The following DCLRE1C variants were observed in gnomAD, a reference collection of about 807,000 sequenced individuals.
DCLRE1C encodes protein artemis.
A neutral mutation model predicts 61.4 loss-of-function variants in DCLRE1C; 47 were observed. The ratio of observed to expected loss-of-function variants is 0.77; its 90% CI spans 0.61 to 0.98. DCLRE1C has a LOEUF of 0.98. Ranked by LOEUF, DCLRE1C falls within the 50% of genes least tolerant of loss-of-function variation. The pLI is 0.00. For missense variants in DCLRE1C, 858 were observed against 816.0 expected (o/e 1.05, Z -0.63); for synonymous variants, 337 against 287.6 (o/e 1.17, Z -1.74).
At position 14,904,898 on chromosome 10, in the gene DCLRE1C, G is replaced by C. The variant is rs1183765655; in HGVS notation, c.*3510C>G. ...ATTATATTGATACCATCATTTTCAG[G>C]ATCTACATTAAGAGGATGGTGATAC... On this transcript the variant is annotated 3_prime_UTR_variant, in exon 14 of 14. Coordinates refer to ENST00000378278, the MANE Select transcript of DCLRE1C (RefSeq NM_001033855.3). Among the ~76,000 whole-genome samples, 4 of 152,136 alleles carry C rather than the reference G, an allele frequency of 2.6e-5. No homozygotes were observed. Among genetic ancestry groups the C allele is most frequent in the African/African-American group, 7.2e-5 (3 of 41,446 alleles).
rs749209507 is a variant in DCLRE1C, at chr10:14,897,414, A to G, written c.*1750T>C. 17 of 1,613,364 alleles carry G rather than the reference A, an allele frequency of 1.1e-5. No individual in the cohort carries two copies. The African/African-American group carries it at 2.1e-4, about 20-fold the overall frequency. On this transcript the variant is annotated 3_prime_UTR_variant, in exon 14 of 14. Coordinates refer to the DCLRE1C transcript ENST00000378289. ...AATAGGATTGTACAAAAAGGCACAC[A>G]GTATTCGCTTTGCATCTTTCGAACT...
intron 3 of DCLRE1C, chr10:14,942,049 T>C (rs1840939448): frequency 6.6e-6 from 1 of 152,146 alleles, no homozygotes; most frequent in Non-Finnish European, 1.5e-5. Context: ...AGATGTGAAC[T>C]AGTAGGGATT....
rs746582322 is a variant in DCLRE1C, at chr10:14,926,892, C to T, written c.923G>A (p.Gly308Glu). The T allele has an allele frequency of 6.2e-7, 1 of 1,613,242 alleles. No individual in the cohort carries two copies. The highest frequency in any genetic ancestry group is 1.1e-5 in the South Asian group (1 of 91,030). Reference sequence around the variant, plus strand: ...AAAACAAGCTCTGTATGAACTCTCTCCAGTCCTAAAGGGAAGTGAAAACAC... The same window carrying T: ...AAAACAAGCTCTGTATGAACTCTCTTCAGTCCTAAAGGGAAGTGAAAACAC... ...SRKTNVIVRT[G>E]ESSYRACFSF... The change falls in exon 11 of 14, where the codon GGA becomes GAA. Residue 308 changes from glycine (G) to glutamate (E), a missense_variant. Gly to Glu is a moderately conservative substitution (Grantham distance 98, BLOSUM62 -2). Coordinates refer to ENST00000378278, the MANE Select transcript of DCLRE1C (RefSeq NM_001033855.3).
chr10:14,897,391 T>C (rs1215895427), exon 14 of DCLRE1C: 2 of 1,613,426 alleles, frequency 1.2e-6, no homozygotes, highest in Non-Finnish European at 1.7e-6. Flanking sequence ...ATTGTCCCAA[T>C]AGGATTGTAC....
chr10:14,903,426 C>T (rs1245698317), downstream of DCLRE1C: 3 of 152,206 alleles, frequency 2.0e-5, no homozygotes, highest in Non-Finnish European at 4.4e-5. Flanking sequence ...TGTACATTAA[C>T]ATTACAGCCT....
intron 8 of DCLRE1C, among the ~76,000 whole-genome samples, chr10:14,933,468 C>T (rs1480483156): frequency 1.3e-5 from 2 of 152,056 alleles, no homozygotes; most frequent in African/African-American, 4.8e-5. Context: ...GAAGCCCCAT[C>T]TCTACTAAAA....
rs750020058 is a variant in DCLRE1C at position 14,908,165 on chromosome 10, C to CTTT, written c.*240_*242dup. 644 of 197,802 alleles carry CTTT rather than the reference C, an allele frequency of 3.3e-3. 47 individuals carry two copies. The highest frequency in any genetic ancestry group is 0.026 in the African/African-American group (500 of 19,456). The allele number at this position is 197,802 out of a possible 1,614,324, so 12.3% of individuals were successfully genotyped here. ...CAGAGTAGCCCACCACCATGCCTGGCTTTTTTTTTTTTTTTTTTTTTTGTA... is the reference window on the plus strand; with the variant it reads ...CAGAGTAGCCCACCACCATGCCTGGCTTTTTTTTTTTTTTTTTTTTTTTTTGTA... On this transcript the variant is annotated 3_prime_UTR_variant, in exon 14 of 14. Coordinates refer to ENST00000378278, the MANE Select transcript of DCLRE1C (RefSeq NM_001033855.3).
chr10:14,919,475 G>A (rs1467503218), intron 13 of DCLRE1C, among the ~76,000 whole-genome samples: 2 of 152,074 alleles, frequency 1.3e-5, no homozygotes, highest in Non-Finnish European at 2.9e-5. Flanking sequence ...CTGATCTTAG[G>A]GTGTATTTCC....
intron 13 of DCLRE1C, among the ~76,000 whole-genome samples, chr10:14,911,507 A>T (rs1269273502): frequency 1.3e-5 from 2 of 152,382 alleles, no homozygotes; most frequent in East Asian, 3.9e-4. Context: ...AAGCAGGAAG[A>T]TACAGTCAAA....
At chr10:14,899,360 T>G in intron 13 of DCLRE1C, 1 of 706,860 alleles carries the variant, frequency 1.4e-6, no homozygotes, top group Non-Finnish European at 2.5e-6. Flanking sequence ...TCATTTTTCT[T>G]CCCCTCATTT....
At chr10:14,898,341 T>A (rs2131707981) in exon 14 of DCLRE1C, 1 of 151,160 alleles carries the variant, frequency 6.6e-6, no homozygotes, top group African/African-American at 2.4e-5. Flanking sequence ...AAATCAGTAG[T>A]CTTCACCATG....
intron 3 of DCLRE1C, among the ~76,000 whole-genome samples, chr10:14,941,942 G>A (rs973834865): frequency 2.0e-5 from 3 of 152,166 alleles, no homozygotes; most frequent in African/African-American, 7.2e-5. Context: ...CCCTGATTCT[G>A]CCGTGGCCTT....
chr10:14,902,838 T>G (rs1031273271), downstream of DCLRE1C: 1 of 161,942 alleles, frequency 6.2e-6, no homozygotes, highest in African/African-American at 2.4e-5. Context: ...AAGCTGATAA[T>G]GTAATTAACA....
chr10:14,898,526 C>A (rs1442169317), exon 14 of DCLRE1C: 1 of 152,072 alleles, frequency 6.6e-6, no homozygotes, highest in Non-Finnish European at 1.5e-5. Context: ...TTGATTCTTA[C>A]ACTTTTAGAC....
At chr10:14,918,218 CT>C (rs1052655128) in intron 13 of DCLRE1C, among the ~76,000 whole-genome samples, 1 of 152,178 alleles carries the variant, frequency 6.6e-6, no homozygotes, top group Non-Finnish European at 1.5e-5. Flanking sequence ...AAGAAAGACA[CT>C]GGAAACAACC....
At chr10:14,947,236 AAAC>A (rs931960591) in intron 2 of DCLRE1C, among the ~76,000 whole-genome samples, 20 of 152,006 alleles carry the variant, frequency 1.3e-4, no homozygotes, top group East Asian at 1.2e-3. Context: ...ACAAACAAAC[AAAC>A]AAAAAAACAT....
chr10:14,927,914 T>C, intron 10 of DCLRE1C, 102 bp downstream of exon 10: 2 of 865,092 alleles, frequency 2.3e-6, no homozygotes, highest in Non-Finnish European at 3.2e-6. Flanking sequence ...TTATAATATA[T>C]AATTATATTC....
intron 2 of DCLRE1C, among the ~76,000 whole-genome samples, chr10:14,947,775 T>G (rs1159573032): frequency 6.6e-6 from 1 of 152,140 alleles, no homozygotes; most frequent in Non-Finnish European, 1.5e-5. Context: ...AAAAAATTAC[T>G]GAGGCCAGGA....
chr10:14,923,452 A>G, intron 11 of DCLRE1C: 1 of 262,558 alleles, frequency 3.8e-6, no homozygotes, highest in South Asian at 4.2e-5. Context: ...CCCTTTTCAA[A>G]TAAGTTAGAA....
Sources: allele counts gnomAD v4.1 joint callset (sites outside exome capture counted in the v4.1 genomes callset), GRCh38; gene constraint gnomAD v4.1.1; transcripts MANE v1.5; gene names NCBI Gene and HGNC (gene_info 2026-07-23, HGNC 2026-07-21).